CEP192: variants seen among roughly 807,000 people sequenced by gnomAD.
CEP192 encodes centrosomal protein 192, also known as centrosomal protein of 192 kDa.
CEP192 carries 151 observed loss-of-function variants against 271.8 expected under a neutral mutation model. That is an observed-to-expected ratio of 0.56 (90% confidence interval 0.49 to 0.64). The LOEUF (loss-of-function observed/expected upper bound fraction) is 0.64. CEP192 is among the 30% of genes least tolerant of loss of function. The probability of loss-of-function intolerance (pLI) is 0.00; values close to 1 mark genes in which losing one functional copy is unlikely to be tolerated. For synonymous variants in CEP192, 995 were observed against 1,076.5 expected, an observed-to-expected ratio of 0.92 and a Z score of 1.48; for missense variants, 2,910 against 3,020.5, an observed-to-expected ratio of 0.96 and a Z score of 0.86.
intron 40 of CEP192, among the ~76,000 whole-genome samples, chr18:13,111,346 C>T (rs1179052043): frequency 6.6e-5 from 10 of 152,102 alleles, no homozygotes; most frequent in African/African-American, 1.9e-4. Flanking sequence ...AGGATGGTCT[C>T]GATCTCCTGA....
chr18:13,015,330 T>A lies in CEP192; in HGVS notation c.522T>A (p.Ile174=). ...ACTTGCCATTTTGTTTCTTATAGAT[T>A]GTTGTGCTTGATGCTGGAAAACATT... is the stretch of plus-strand genomic sequence containing the variant. ...QSWMNNKEPK[I]VVLDAGKHFE... is the part of the protein sequence containing the mutation. Residue 174 remains isoleucine (I), a splice_region_variant and synonymous_variant, in exon 6 of 45, where the codon ATT becomes ATA. Transcript: ENST00000506447. The A allele has an allele frequency of 6.4e-7, 1 of 1,550,776 alleles. No individual in the cohort carries two copies. Among genetic ancestry groups the A allele is most frequent in the South Asian group, 1.2e-5 (1 of 83,992 alleles).
intron 9 of CEP192, among the ~76,000 whole-genome samples, chr18:13,028,771 C>T (rs558977350): frequency 2.0e-5 from 3 of 152,168 alleles, no homozygotes; most frequent in Non-Finnish European, 4.4e-5. Flanking sequence ...CCGTCCGCCT[C>T]GGCCTCCCAA....
chr18:13,115,256 A>G (rs1231805077), intron 42 of CEP192, among the ~76,000 whole-genome samples: 2 of 152,154 alleles, frequency 1.3e-5, no homozygotes, highest in African/African-American at 4.8e-5. Context: ...CAGAGCCCAC[A>G]CGGGCTGCGG....
chr18:13,113,791 T>G, intron 41 of CEP192, 86 bp downstream of exon 41: 1 of 1,206,716 alleles, frequency 8.3e-7, no homozygotes, highest in South Asian at 1.5e-5. Context: ...GGCCTGAAAA[T>G]GCAGAATATA....
intron 21 of CEP192, among the ~76,000 whole-genome samples, 193 bp from the exon 22 acceptor site, chr18:13,067,638 C>T (rs577935505): frequency 8.9e-4 from 135 of 152,208 alleles, no homozygotes; most frequent in African/African-American, 3.2e-3. Flanking sequence ...GGTACATAGA[C>T]TACCTCAAAA....
At chr18:13,032,788 C>T (rs1377136584) in intron 11 of CEP192, among the ~76,000 whole-genome samples, 1 of 152,204 alleles carries the variant, frequency 6.6e-6, no homozygotes, top group African/African-American at 2.4e-5. Flanking sequence ...ACCCTCCCCT[C>T]CCTCAGCCAT....
intron 21 of CEP192, among the ~76,000 whole-genome samples, chr18:13,066,039 G>A (rs7236987): frequency 0.13 from 20,494 of 152,086 alleles, 1,529 homozygotes; most frequent in East Asian, 0.31. Context: ...CCATGTTACC[G>A]TCTGAACTCA....
chr18:13,066,979 G>GTA (rs1488316193), intron 21 of CEP192, among the ~76,000 whole-genome samples: 3 of 151,562 alleles, frequency 2.0e-5, no homozygotes, highest in African/African-American at 7.3e-5. Flanking sequence ...GTGTGTGTGT[G>GTA]TGTGTGTGTG....
intron 44 of CEP192, among the ~76,000 whole-genome samples, chr18:13,120,563 CA>C (rs1393966552): frequency 6.6e-5 from 10 of 152,166 alleles, no homozygotes; most frequent in Admixed American, 5.9e-4. Flanking sequence ...ATTAAGTTAG[CA>C]TTTAAAATAG....
intron 44 of CEP192, among the ~76,000 whole-genome samples, chr18:13,122,862 G>T (rs1403704187): frequency 1.3e-5 from 2 of 150,300 alleles, no homozygotes; most frequent in Non-Finnish European, 2.9e-5. Context: ...TGTGTGTGTA[G>T]AGATTAAATT....
chr18:13,069,523 T>G (rs550523061), intron 26 of CEP192, among the ~76,000 whole-genome samples: 4 of 152,222 alleles, frequency 2.6e-5, no homozygotes, highest in Admixed American at 1.3e-4. Context: ...GGGTTAGTGA[T>G]CCAAAATTGT....
intron 1 of CEP192, among the ~76,000 whole-genome samples, chr18:12,992,149 T>C (rs1177355733): frequency 6.6e-6 from 1 of 152,174 alleles, no homozygotes; most frequent in Non-Finnish European, 1.5e-5. Flanking sequence ...CAGCTGTTTA[T>C]ATGACCATAT....
At chr18:13,045,581 G>T (rs2036432413) in intron 15 of CEP192, among the ~76,000 whole-genome samples, 1 of 152,178 alleles carries the variant, frequency 6.6e-6, no homozygotes, top group African/African-American at 2.4e-5. Flanking sequence ...CAAGCTGCCT[G>T]CATTCTTAAA....
In CEP192 at chr18:13,055,733, ATTAAGT is replaced by A. The variant is rs775301838; in HGVS notation, c.3190-43_3190-38del. 19 of 1,259,150 alleles carry A rather than the reference ATTAAGT, an allele frequency of 1.5e-5. No individual in the cohort carries two copies. The African/African-American group carries it at 1.7e-4, about 11-fold the overall frequency. 78.0% of individuals were successfully genotyped at this position (1,259,150 alleles called of 1,614,324 possible). The stretch of plus-strand genomic sequence containing the variant: ...TTGCCAGCATGTTTCAATTTGTTAT[ATTAAGT>A]TTATCTGTGGATTATTAAAAACAAA... On this transcript the variant is annotated intron_variant, in intron 18 of 44. Coordinates refer to ENST00000506447, the MANE Select transcript of CEP192 (RefSeq NM_032142.4).
At chr18:13,055,730 T>C (rs763206126) in intron 18 of CEP192, 50 bp from the exon 19 acceptor site, 23 of 1,238,958 alleles carry the variant, frequency 1.9e-5, no homozygotes, top group Non-Finnish European at 2.6e-5. Context: ...TTCAATTTGT[T>C]ATATTAAGTT....
In CEP192 at chr18:13,096,238, T is replaced by C; in HGVS notation, c.6488T>C (p.Leu2163Pro). The C allele has an allele frequency of 1.9e-6, 3 of 1,613,946 alleles. No individual in the cohort carries two copies. The highest frequency in any genetic ancestry group is 2.5e-6 in the Non-Finnish European group (3 of 1,179,758). Residue 2163 changes from leucine to proline, a missense_variant, in exon 36 of 45, where the codon CTG becomes CCG. By Grantham distance (98) the Leu-to-Pro change is moderately conservative (BLOSUM62 -3). Coordinates refer to ENST00000506447, the MANE Select transcript of CEP192 (RefSeq NM_032142.4). The part of the protein sequence containing the change: ...FQIVNNSVRL[L>P]RFELCWPAHC... ...ATTGTGAATAACTCTGTGAGGTTACTGAGATTTGAGCTGTGCTGGCCAGCG... is the reference window on the plus strand; with the variant it reads ...ATTGTGAATAACTCTGTGAGGTTACCGAGATTTGAGCTGTGCTGGCCAGCG...
At chr18:13,023,254 A>G (rs943790351) in intron 9 of CEP192, among the ~76,000 whole-genome samples, 3 of 151,966 alleles carry the variant, frequency 2.0e-5, no homozygotes, top group African/African-American at 7.3e-5. Flanking sequence ...TCGTGTCTTA[A>G]TTGCATTAGC....
intron 4 of CEP192, among the ~76,000 whole-genome samples, chr18:13,011,220 C>G (rs1256402383): frequency 9.6e-6 from 1 of 104,698 alleles, no homozygotes; most frequent in Non-Finnish European, 1.8e-5. Flanking sequence ...GAGAGAGACT[C>G]TGTCTCAAAA....
intron 1 of CEP192, among the ~76,000 whole-genome samples, chr18:12,991,938 C>T (rs1363924494): frequency 6.6e-6 from 1 of 152,108 alleles, no homozygotes; most frequent in African/African-American, 2.4e-5. Flanking sequence ...CCCTTGTCTT[C>T]CGTTTACTCA....
Sources: allele counts gnomAD v4.1 joint callset (sites outside exome capture counted in the v4.1 genomes callset), GRCh38; gene constraint gnomAD v4.1.1; transcripts MANE v1.5; gene names NCBI Gene and HGNC (gene_info 2026-07-23, HGNC 2026-07-21).